TLL1: variants seen among roughly 807,000 people sequenced by gnomAD.
The protein encoded by TLL1 is tolloid like 1, also known as tolloid-like protein 1.
A neutral mutation model predicts 128.2 loss-of-function variants in TLL1; 49 were observed. The ratio of observed to expected loss-of-function variants is 0.38; its 90% confidence interval spans 0.30 to 0.48. The LOEUF is 0.48. TLL1 is among the 20% of genes least tolerant of loss of function. The pLI is 0.96. For missense variants in TLL1, 1,123 were observed against 1,242.0 expected (o/e 0.90, Z 1.44); for synonymous variants, 454 against 418.8 (o/e 1.08, Z -1.03).
In TLL1 at chr4:166,043,530, G is replaced by T; in HGVS notation, c.1524+111G>T. ...AAACAGAGAGTCAGCCTTTTAATCA[G>T]CAAAGAAGCAAAGGATCGCTCATAA... On this transcript the variant is annotated intron_variant, in intron 12 of 20. Transcript: ENST00000061240. 2.0e-6 allele frequency: 3 copies of T among 1,468,484 alleles called. No individual in the cohort carries two copies. In the South Asian group the frequency reaches 3.4e-5, roughly 17 times the overall value. The allele number at this position is 1,468,484 out of a possible 1,614,324, so 91.0% of individuals were successfully genotyped here. A position where few individuals can be genotyped will look rare whatever the true frequency, so the allele number is the denominator to read the frequency against.
At chr4:166,094,536 G>A (rs1418425930) in intron 19 of TLL1, among the ~76,000 whole-genome samples, 1 of 152,092 alleles carries the variant, frequency 6.6e-6, no homozygotes, top group Non-Finnish European at 1.5e-5. Flanking sequence ...AGGCAAAACG[G>A]GCCATGGATA....
At chr4:165,967,769 A>T (rs1392469623) in intron 1 of TLL1, among the ~76,000 whole-genome samples, 1 of 152,206 alleles carries the variant, frequency 6.6e-6, no homozygotes, top group Non-Finnish European at 1.5e-5. Flanking sequence ...GGGCAGAGTC[A>T]GTGGAATTTG....
chr4:166,015,006 A>C (rs1737869812), intron 8 of TLL1, among the ~76,000 whole-genome samples: 1 of 151,302 alleles, frequency 6.6e-6, no homozygotes, highest in South Asian at 2.1e-4. Context: ...TATCAGTAGG[A>C]ATTTATAACT....
At chr4:165,996,168 C>G (rs1736865259) in intron 5 of TLL1, among the ~76,000 whole-genome samples, 1 of 152,018 alleles carries the variant, frequency 6.6e-6, no homozygotes, top group South Asian at 2.1e-4. Context: ...TTGCTCCTAC[C>G]CATAGCTGTA....
intron 2 of TLL1, among the ~76,000 whole-genome samples, chr4:165,989,952 G>T (rs1052533066): frequency 2.3e-4 from 35 of 151,622 alleles, no homozygotes; most frequent in African/African-American, 8.5e-4. Flanking sequence ...TGGATATTGA[G>T]TTGCAAAATG....
At chr4:165,955,909 G>T (rs1004425522) in intron 1 of TLL1, among the ~76,000 whole-genome samples, 1 of 152,020 alleles carries the variant, frequency 6.6e-6, no homozygotes, top group African/African-American at 2.4e-5. Context: ...AAGAGAAAGG[G>T]TACCAAGAGA....
chr4:166,018,728 GA>G (rs763182637), intron 8 of TLL1, among the ~76,000 whole-genome samples: 15 of 151,844 alleles, frequency 9.9e-5, no homozygotes, highest in Admixed American at 2.6e-4. Context: ...AAACATCAGA[GA>G]AATGCAAATC....
chr4:165,936,515 T>A (rs868373141), intron 1 of TLL1, among the ~76,000 whole-genome samples: 1 of 152,146 alleles, frequency 6.6e-6, no homozygotes, highest in Non-Finnish European at 1.5e-5. Flanking sequence ...TTATATTTTT[T>A]AATTGTATTT....
intron 7 of TLL1, among the ~76,000 whole-genome samples, chr4:166,013,235 T>C (rs182479002): frequency 1.9e-3 from 282 of 152,012 alleles, no homozygotes; most frequent in African/African-American, 6.6e-3. Flanking sequence ...CCTTTATTTT[T>C]CTCGATAGTA....
chr4:166,044,432 C>G, intron 12 of TLL1: 1 of 1,535,350 alleles, frequency 6.5e-7, no homozygotes, highest in Non-Finnish European at 8.7e-7. Context: ...ATCTGGAAGC[C>G]TGTAAATTCT....
intron 1 of TLL1, among the ~76,000 whole-genome samples, chr4:165,963,666 A>G (rs752140499): frequency 6.6e-6 from 1 of 152,204 alleles, no homozygotes; most frequent in Non-Finnish European, 1.5e-5. Context: ...TGAAAGGACC[A>G]TAATTGTCTA....
intron 1 of TLL1, among the ~76,000 whole-genome samples, chr4:165,979,863 C>T (rs1736069035): frequency 1.3e-5 from 2 of 152,060 alleles, no homozygotes; most frequent in African/African-American, 2.4e-5. Context: ...TGCAAAACTC[C>T]GTGGTGAATA....
intron 12 of TLL1, among the ~76,000 whole-genome samples, chr4:166,048,320 T>G (rs911240783): frequency 2.0e-5 from 3 of 149,820 alleles, no homozygotes; most frequent in Non-Finnish European, 3.0e-5. Flanking sequence ...AAGAGGGCCC[T>G]CACCAGACAC....
chr4:165,892,275 C>A (rs569908215), intron 1 of TLL1, among the ~76,000 whole-genome samples: 1 of 152,290 alleles, frequency 6.6e-6, no homozygotes, highest in Non-Finnish European at 1.5e-5. Context: ...GGGACACAAC[C>A]AAACCATGTC....
intron 1 of TLL1, among the ~76,000 whole-genome samples, chr4:165,962,186 A>T (rs545831236): frequency 6.6e-6 from 1 of 152,282 alleles, no homozygotes; most frequent in South Asian, 2.1e-4. Context: ...TCTAAAAAGG[A>T]CCTAATATTC....
At chr4:166,060,256 T>A (rs1487397256) in intron 15 of TLL1, 68 bp downstream of exon 15, 63 of 1,320,134 alleles carry the variant, frequency 4.8e-5, no homozygotes, top group Middle Eastern at 3.9e-4. Context: ...ACTGTGAAAT[T>A]AAAAAAAAAA....
In TLL1 at chr4:166,095,413, T is replaced by TAA. The variant is rs71604421; in HGVS notation, c.2657-3862_2657-3861dup. ...TTAATTAAAGGAAACAAATCTTTAG[T>TAA]AAAGAAAAAAATCCTGTGTCTTTTC... On this transcript the variant is annotated intron_variant, in intron 19 of 20. Transcript: ENST00000061240. 3.1e-3 allele frequency among the ~76,000 whole-genome samples: 463 copies of TAA among 150,390 alleles called. 1 individual carries two copies. The highest frequency in any genetic ancestry group is 0.014 in the Middle Eastern group (4 of 294).
At chr4:166,002,570 A>T (rs953208500) in intron 5 of TLL1, among the ~76,000 whole-genome samples, 5 of 152,100 alleles carry the variant, frequency 3.3e-5, no homozygotes, top group African/African-American at 1.2e-4. Context: ...TCAGCCTCTG[A>T]AGTAGCTAGG....
At chr4:165,982,697 A>G (rs561048418) in intron 1 of TLL1, among the ~76,000 whole-genome samples, 35 of 151,458 alleles carry the variant, frequency 2.3e-4, no homozygotes, top group African/African-American at 8.2e-4. Context: ...TTGTGTGAAG[A>G]AATGACCTTC....
Sources: gnomAD v4.1 joint callset for allele counts (sites outside exome capture counted in the v4.1 genomes callset) on GRCh38, gnomAD v4.1.1 for gene constraint, MANE v1.5 for transcripts, NCBI Gene and HGNC (gene_info 2026-07-23, HGNC 2026-07-21) for gene names.